The following HS3ST3A1 variants were observed in gnomAD, a reference collection of about 807,000 sequenced individuals.
HS3ST3A1 encodes heparan sulfate glucosamine 3-O-sulfotransferase 3A1.
HS3ST3A1 carries 19 observed loss-of-function variants against 25.7 expected under a neutral mutation model. The observed-to-expected ratio is 0.74, with a 90% confidence interval of 0.52 to 1.08. The LOEUF is 1.08. Among genes scored for constraint, HS3ST3A1 ranks in the 50% least tolerant of loss-of-function variants. The probability of loss-of-function intolerance (pLI) is 0.00; values close to 1 mark genes in which losing one functional copy is unlikely to be tolerated. For synonymous variants in HS3ST3A1, 226 were observed against 278.6 expected, an observed-to-expected ratio of 0.81 and a Z score of 1.88; for missense variants, 459 against 594.3, an observed-to-expected ratio of 0.77 and a Z score of 2.37.
chr17:13,573,445 T>C (rs1907869397), intron 1 of HS3ST3A1, among the ~76,000 whole-genome samples: 1 of 152,134 alleles, frequency 6.6e-6, no homozygotes, highest in Admixed American at 6.5e-5. Context: ...GCCCCCTCAG[T>C]TCTACCCATT....
chr17:13,552,689 C>G (rs1204597825), intron 1 of HS3ST3A1, among the ~76,000 whole-genome samples: 1 of 152,168 alleles, frequency 6.6e-6, no homozygotes, highest in Non-Finnish European at 1.5e-5. Context: ...AAATGATTAA[C>G]TGTTTTAGGC....
Position 13,600,760 on chromosome 17 carries a change from G to C in HS3ST3A1, c.370C>G (p.Pro124Ala). The C allele has an allele frequency of 6.6e-7, 1 of 1,509,946 alleles. No homozygotes were observed. The highest frequency in any genetic ancestry group is 8.8e-7 in the Non-Finnish European group (1 of 1,136,550). 93.5% of individuals were successfully genotyped at this position (1,509,946 alleles called of 1,614,324 possible). ...EEESPGLSGGPGGSGAGSTVA... is the reference protein window; with the variant it reads ...EEESPGLSGGAGGSGAGSTVA... ...GTGCTTCCGGCCCCGGAGCCGCCCG[G>C]ACCCCCTGACAGGCCAGGGGACTCT... Residue 124 changes from proline (P) to alanine (A), a missense_variant, in exon 1 of 2, where the codon CCG (proline) becomes GCG (alanine). By Grantham distance (27) the Pro-to-Ala change is conservative. Coordinates refer to ENST00000284110, the MANE Select transcript of HS3ST3A1 (RefSeq NM_006042.3).
chr17:13,559,536 A>AT (rs1489660350), intron 1 of HS3ST3A1, among the ~76,000 whole-genome samples: 3 of 148,690 alleles, frequency 2.0e-5, no homozygotes, highest in Middle Eastern at 7.1e-3. Context: ...ATAATCTTAT[A>AT]TTTTATGATA....
chr17:13,495,904 G>A lies in HS3ST3A1; in HGVS notation c.*293C>T, dbSNP rs763095082. The A allele has an allele frequency of 5.5e-5, 14 of 255,204 alleles. No homozygotes were observed. The highest frequency in any genetic ancestry group is 6.7e-5 in the African/African-American group (3 of 44,950). The allele number at this position is 255,204 out of a possible 1,614,324, so 15.8% of individuals were successfully genotyped here. On this transcript the variant is annotated 3_prime_UTR_variant, in exon 2 of 2. Transcript: ENST00000284110. ...GAGATGTTTAACCTCAAGATTTTCT[G>A]AAAACTTTTAATGACAACTGATGCT...
In HS3ST3A1 at chr17:13,536,674, GAC is replaced by G. The variant is rs575118628; in HGVS notation, c.600-39858_600-39857del. Among the ~76,000 whole-genome samples, 205 of 152,298 alleles carry G rather than the reference GAC, an allele frequency of 1.3e-3. No individual in the cohort carries two copies. In the Middle Eastern group the frequency reaches 0.014, roughly 10 times the overall value. On this transcript the variant is annotated intron_variant, in intron 1 of 1. Coordinates refer to ENST00000284110, the MANE Select transcript of HS3ST3A1 (RefSeq NM_006042.3). ...TGGCTTCTCTTAACACATGGAAACT[GAC>G]AGTCCCAAATGAGAAGCTTCTTGTC... is the stretch of plus-strand genomic sequence containing the variant.
At chr17:13,510,707 GA>G (rs1359074390) in intron 1 of HS3ST3A1, among the ~76,000 whole-genome samples, 2 of 136,856 alleles carry the variant, frequency 1.5e-5, no homozygotes, top group African/African-American at 2.6e-5. Context: ...CAGTGTCCTT[GA>G]TTTTTTTTTT....
rs1399857717 is a variant in HS3ST3A1, at chr17:13,600,578, C to T, written c.552G>A (p.Glu184=). The T allele has an allele frequency of 6.2e-7, 1 of 1,601,940 alleles. No homozygotes were observed. The highest frequency in any genetic ancestry group is 8.5e-7 in the Non-Finnish European group (1 of 1,178,464). ...CGTAGCTGCGGTCGAAGAAGTGGGG[C>T]TCGGCGCCCACGGCGCGCACGTCGG... ...VHPDVRAVGA[E]PHFFDRSYDK... Residue 184 remains glutamate, a synonymous_variant, in exon 1 of 2, where the codon GAG becomes GAA. Transcript: ENST00000284110.
intron 1 of HS3ST3A1, among the ~76,000 whole-genome samples, chr17:13,542,388 G>A (rs1459243824): frequency 6.6e-6 from 1 of 150,904 alleles, no homozygotes; most frequent in Non-Finnish European, 1.5e-5. Context: ...TGATCCAACA[G>A]AATTGGTGTT....
chr17:13,575,408 G>A (rs550389851), intron 1 of HS3ST3A1, among the ~76,000 whole-genome samples: 1 of 152,296 alleles, frequency 6.6e-6, no homozygotes, highest in South Asian at 2.1e-4. Flanking sequence ...ATAAAGGCAG[G>A]GGTATGCTTT....
At chr17:13,531,238 A>G (rs1406768665) in intron 1 of HS3ST3A1, among the ~76,000 whole-genome samples, 5 of 152,252 alleles carry the variant, frequency 3.3e-5, no homozygotes, top group African/African-American at 4.8e-5. Flanking sequence ...CATGTCCATT[A>G]GTAAATAGCT....
At chr17:13,510,705 T>C (rs1001272125) in intron 1 of HS3ST3A1, among the ~76,000 whole-genome samples, 2 of 138,756 alleles carry the variant, frequency 1.4e-5, no homozygotes, top group Admixed American at 1.5e-4. Flanking sequence ...CTCAGTGTCC[T>C]TGATTTTTTT....
chr17:13,538,320 A>G (rs1408653493), intron 1 of HS3ST3A1, among the ~76,000 whole-genome samples: 1 of 152,226 alleles, frequency 6.6e-6, no homozygotes, highest in Middle Eastern at 3.2e-3. Flanking sequence ...ACTGACTCCA[A>G]GCCATCCCGA....
chr17:13,534,484 G>T (rs893345656), intron 1 of HS3ST3A1, among the ~76,000 whole-genome samples: 5 of 137,284 alleles, frequency 3.6e-5, no homozygotes, highest in Admixed American at 8.0e-5. Flanking sequence ...GAGGTGGATT[G>T]CTTGAGCCCA....
chr17:13,574,501 G>A (rs992688759), intron 1 of HS3ST3A1, among the ~76,000 whole-genome samples: 78 of 151,404 alleles, frequency 5.2e-4, no homozygotes, highest in African/African-American at 1.6e-3. Flanking sequence ...GGCGGATCAC[G>A]AGGTCAGGAG....
intron 1 of HS3ST3A1, among the ~76,000 whole-genome samples, chr17:13,556,811 C>A (rs1270441631): frequency 6.8e-6 from 1 of 148,028 alleles, no homozygotes; most frequent in Non-Finnish European, 1.5e-5. Context: ...GAGATCGCGC[C>A]ACTGCACTCC....
intron 1 of HS3ST3A1, among the ~76,000 whole-genome samples, chr17:13,549,986 A>T (rs1231564216): frequency 1.3e-5 from 2 of 152,182 alleles, no homozygotes; most frequent in Admixed American, 6.5e-5. Flanking sequence ...TTCCATGGTC[A>T]TATAGATATT....
chr17:13,582,469 A>C (rs1908141466), intron 1 of HS3ST3A1, among the ~76,000 whole-genome samples: 2 of 152,238 alleles, frequency 1.3e-5, no homozygotes, highest in South Asian at 4.1e-4. Context: ...GGAATACATA[A>C]GTCAGAAGTC....
At chr17:13,566,828 T>G (rs1567625590) in intron 1 of HS3ST3A1, among the ~76,000 whole-genome samples, 1 of 152,144 alleles carries the variant, frequency 6.6e-6, no homozygotes, top group African/African-American at 2.4e-5. Flanking sequence ...TAGCAGAGTC[T>G]AGTTCATGGG....
intron 1 of HS3ST3A1, among the ~76,000 whole-genome samples, 168 bp from the exon 2 acceptor site, chr17:13,496,986 C>T (rs1472464797): frequency 1.3e-5 from 2 of 152,062 alleles, no homozygotes; most frequent in East Asian, 1.9e-4. Flanking sequence ...TCAGATTCCT[C>T]GTGTATTAAA....
Sources: gnomAD v4.1 joint callset for allele counts (sites outside exome capture counted in the v4.1 genomes callset) on GRCh38, gnomAD v4.1.1 for gene constraint, MANE v1.5 for transcripts, NCBI Gene and HGNC (gene_info 2026-07-23, HGNC 2026-07-21) for gene names.